VPS13B: variants seen among roughly 807,000 people sequenced by gnomAD.
VPS13B encodes the protein intermembrane lipid transfer protein VPS13B.
Under a neutral mutation model 426.4 loss-of-function variants are expected in VPS13B, and 285 were observed. The ratio of observed to expected loss-of-function variants is 0.67; its 90% CI spans 0.61 to 0.74. The LOEUF (loss-of-function observed/expected upper bound fraction) is 0.74, where lower values mean the gene tolerates loss of function less well. VPS13B is among the 30% of genes least tolerant of loss of function. The pLI is 0.00. For missense variants in VPS13B, 4,537 were observed against 4,782.6 expected (o/e 0.95, Z 1.51); for synonymous variants, 1,676 against 1,676.4 (o/e 1.00, Z 0.01).
At chr8:99,747,706 GA>G (rs1234481480) in intron 39 of VPS13B, among the ~76,000 whole-genome samples, 4 of 152,108 alleles carry the variant, frequency 2.6e-5, no homozygotes, top group African/African-American at 4.8e-5. Flanking sequence ...TTCTATTGAG[GA>G]AAAAGCCTCT....
At chr8:99,795,903 T>A (rs1014161473) in intron 43 of VPS13B, among the ~76,000 whole-genome samples, 1 of 152,206 alleles carries the variant, frequency 6.6e-6, no homozygotes, top group African/African-American at 2.4e-5. Flanking sequence ...CATTGTTTTA[T>A]TTGTAATATC....
chr8:99,093,721 A>G (rs1215350685), intron 3 of VPS13B, among the ~76,000 whole-genome samples: 1 of 152,172 alleles, frequency 6.6e-6, no homozygotes, highest in South Asian at 2.1e-4. Flanking sequence ...ATCGTTTTTT[A>G]TGGCTGCATA....
chr8:99,221,856 G>A (rs1050833876), intron 17 of VPS13B, among the ~76,000 whole-genome samples: 2 of 152,124 alleles, frequency 1.3e-5, no homozygotes, highest in African/African-American at 4.8e-5. Flanking sequence ...CTACAGCTGT[G>A]CACCGCCATG....
At chr8:99,756,292 G>C (rs180699053) in intron 39 of VPS13B, among the ~76,000 whole-genome samples, 149 of 152,300 alleles carry the variant, frequency 9.8e-4, no homozygotes, top group African/African-American at 3.4e-3. Flanking sequence ...AGGTTGTTTT[G>C]AGATTATTGA....
chr8:99,713,109 G>A (rs16897595), intron 36 of VPS13B, among the ~76,000 whole-genome samples: 3,042 of 151,946 alleles, frequency 0.02, 110 homozygotes, highest in African/African-American at 0.07. Flanking sequence ...GCATAATAGA[G>A]ATACCTAACA....
At position 99,176,636 on chromosome 8, in the gene VPS13B, TA is replaced by T. The variant is rs1812647494; in HGVS notation, c.2333+6477del. ...AGGACTATTGTAAAAAAATAAAAAA[TA>T]AAAGGAAATCTGTGAAACCATTGCT... On this transcript the variant is annotated intron_variant, in intron 16 of 61. Coordinates refer to ENST00000357162, the MANE Select transcript of VPS13B (RefSeq NM_152564.5). Among the ~76,000 whole-genome samples, 3 of 152,226 alleles carry T rather than the reference TA, an allele frequency of 2.0e-5. No individual in the cohort carries two copies. In the South Asian group the frequency reaches 6.2e-4, roughly 32 times the overall value.
At chr8:99,670,323 G>C (rs548755902) in intron 35 of VPS13B, among the ~76,000 whole-genome samples, 1 of 151,734 alleles carries the variant, frequency 6.6e-6, no homozygotes, top group African/African-American at 2.4e-5. Context: ...ATGGATTTTT[G>C]GTTACCTATT....
intron 5 of VPS13B, among the ~76,000 whole-genome samples, chr8:99,105,387 T>C (rs1846988833): frequency 6.6e-6 from 1 of 152,174 alleles, no homozygotes; most frequent in Admixed American, 6.5e-5. Flanking sequence ...ATTAATTAAT[T>C]AATTTTTTTG....
intron 39 of VPS13B, among the ~76,000 whole-genome samples, chr8:99,745,582 G>A: frequency 6.6e-6 from 1 of 152,064 alleles, no homozygotes; most frequent in East Asian, 1.9e-4. Context: ...AACATATATA[G>A]TGTGTATATA....
chr8:99,295,864 A>G (rs2133057936), intron 19 of VPS13B, among the ~76,000 whole-genome samples: 1 of 152,236 alleles, frequency 6.6e-6, no homozygotes, highest in Admixed American at 6.5e-5. Flanking sequence ...CTGTCTCTAC[A>G]AAGAATAAAT....
At chr8:99,497,609 C>T (rs1044803540) in intron 25 of VPS13B, among the ~76,000 whole-genome samples, 4 of 151,838 alleles carry the variant, frequency 2.6e-5, no homozygotes, top group Admixed American at 1.3e-4. Flanking sequence ...GTTGAACATA[C>T]ATTGATAATT....
chr8:99,681,398 C>T (rs1224255655), intron 35 of VPS13B, among the ~76,000 whole-genome samples: 5 of 152,210 alleles, frequency 3.3e-5, no homozygotes, highest in Non-Finnish European at 5.9e-5. Flanking sequence ...AAATGTGGCT[C>T]AGCACTGTCT....
intron 2 of VPS13B, among the ~76,000 whole-genome samples, chr8:99,016,237 A>AG: frequency 6.6e-6 from 1 of 152,188 alleles, no homozygotes; most frequent in East Asian, 1.9e-4. Flanking sequence ...AATTTCTCTT[A>AG]GGTGTATACC....
At chr8:99,869,025 G>A (rs1333930505) in intron 59 of VPS13B, among the ~76,000 whole-genome samples, 16 of 152,222 alleles carry the variant, frequency 1.1e-4, no homozygotes, top group Admixed American at 1.0e-3. Context: ...ACTTGGATGG[G>A]GCGTGCCGGG....
chr8:99,330,256 A>T (rs1484084675), intron 19 of VPS13B, among the ~76,000 whole-genome samples: 1 of 151,960 alleles, frequency 6.6e-6, no homozygotes, highest in Non-Finnish European at 1.5e-5. Context: ...CATATATATA[A>T]TATTAAAAAT....
At chr8:99,035,090 A>C (rs1842684088) in intron 2 of VPS13B, among the ~76,000 whole-genome samples, 1 of 152,134 alleles carries the variant, frequency 6.6e-6, no homozygotes, top group Non-Finnish European at 1.5e-5. Context: ...GCTACTTGGC[A>C]TGCTGAGGTG....
chr8:99,691,329 A>G (rs995738684), intron 35 of VPS13B, among the ~76,000 whole-genome samples: 4 of 152,002 alleles, frequency 2.6e-5, no homozygotes, highest in Admixed American at 2.6e-4. Context: ...ACTTGTGTAT[A>G]CTAAAAACAA....
At position 99,821,360 on chromosome 8, in the gene VPS13B, C is replaced by T. The variant is rs1158378699; in HGVS notation, c.9061C>T (p.Leu3021=). 9.9e-6 allele frequency: 16 copies of T among 1,613,684 alleles called. No homozygotes were observed. Among genetic ancestry groups the T allele is most frequent in the Admixed American group, 1.7e-5 (1 of 59,970 alleles). ...NTVHKSVAIK[L]VHNLTSPKWK... ...TGTGCACAAGTCAGTAGCAATTAAA[C>T]TGGTCCATAACCTGACATCTCCAAA... is the stretch of plus-strand genomic sequence containing the variant. The change falls in exon 50 of 62, where the codon CTG becomes TTG. Residue 3021 remains leucine (L), a synonymous_variant. Coordinates refer to ENST00000357162, the MANE Select transcript of VPS13B (RefSeq NM_152564.5).
chr8:99,651,924 GAAACCAACTGAAA>G, intron 34 of VPS13B, among the ~76,000 whole-genome samples: 1 of 152,076 alleles, frequency 6.6e-6, no homozygotes, highest in Non-Finnish European at 1.5e-5. Context: ...ACCTAACAAA[GAAACCAACTGAAA>G]ACATTTACTT....
Sources: gnomAD v4.1 joint callset for allele counts (sites outside exome capture counted in the v4.1 genomes callset) on GRCh38, gnomAD v4.1.1 for gene constraint, MANE v1.5 for transcripts, NCBI Gene and HGNC (gene_info 2026-07-23, HGNC 2026-07-21) for gene names.